The following CHRM3 variants were observed in gnomAD, a reference collection of about 807,000 sequenced individuals.
The protein encoded by CHRM3 is cholinergic receptor muscarinic 3, also known as muscarinic acetylcholine receptor M3.
In CHRM3, 11 loss-of-function variants were observed where a neutral mutation model predicts 41.8. That is an observed-to-expected ratio of 0.26 (90% confidence interval 0.17 to 0.44). The LOEUF is 0.44. Among genes scored for constraint, CHRM3 ranks in the 20% least tolerant of loss-of-function variants. CHRM3 has a pLI of 1.00. For missense variants in CHRM3, 571 were observed against 745.4 expected (o/e 0.77, Z 2.72); for synonymous variants, 297 against 301.4 (o/e 0.99, Z 0.15).
chr1:239,519,902 C>T (rs543167484), intron 2 of CHRM3, among the ~76,000 whole-genome samples: 10,754 of 151,774 alleles, frequency 0.071, 567 homozygotes, highest in Non-Finnish European at 0.11. Context: ...CACCCGCCAC[C>T]ACACCCCGCT....
At chr1:239,616,246 G>A (rs951965901) in intron 3 of CHRM3, among the ~76,000 whole-genome samples, 3 of 152,140 alleles carry the variant, frequency 2.0e-5, no homozygotes, top group East Asian at 3.9e-4. Context: ...TCTTTTTAAA[G>A]ATTGTTTTGT....
chr1:239,756,141 C>G (rs562636820), intron 5 of CHRM3, among the ~76,000 whole-genome samples: 1 of 152,164 alleles, frequency 6.6e-6, no homozygotes, highest in East Asian at 1.9e-4. Flanking sequence ...TATGGCAAAG[C>G]CCGCAATTAC....
At chr1:239,723,853 C>G (rs1029714179) in intron 5 of CHRM3, among the ~76,000 whole-genome samples, 1 of 151,724 alleles carries the variant, frequency 6.6e-6, no homozygotes, top group African/African-American at 2.4e-5. Flanking sequence ...TAGTATAGGC[C>G]AGTAGAAGTT....
intron 3 of CHRM3, among the ~76,000 whole-genome samples, chr1:239,599,876 C>T (rs777806503): frequency 1.3e-5 from 2 of 152,082 alleles, no homozygotes; most frequent in East Asian, 1.9e-4. Context: ...CTACTGAATA[C>T]GTATCACTTT....
intron 1 of CHRM3, among the ~76,000 whole-genome samples, chr1:239,434,786 A>G (rs1359882730): frequency 6.6e-6 from 1 of 152,206 alleles, no homozygotes; most frequent in Non-Finnish European, 1.5e-5. Flanking sequence ...AAGGAGAGAA[A>G]GAGAAGAAGA....
chr1:239,574,588 G>T, intron 3 of CHRM3, among the ~76,000 whole-genome samples: 1 of 151,924 alleles, frequency 6.6e-6, no homozygotes, highest in Admixed American at 6.6e-5. Flanking sequence ...GGCATTCTTG[G>T]CATAATCAAA....
At chr1:239,741,914 C>T (rs1381637217) in intron 5 of CHRM3, among the ~76,000 whole-genome samples, 1 of 152,132 alleles carries the variant, frequency 6.6e-6, no homozygotes, top group East Asian at 1.9e-4. Context: ...ATCCATCAAA[C>T]ATTGTCTGCA....
intron 6 of CHRM3, among the ~76,000 whole-genome samples, chr1:239,839,750 A>G (rs1434920059): frequency 6.8e-6 from 1 of 147,878 alleles, no homozygotes; most frequent in Non-Finnish European, 1.5e-5. Flanking sequence ...AAAGAGACCA[A>G]CCAGTACCAT....
chr1:239,771,712 C>G (rs1221335330), intron 5 of CHRM3, among the ~76,000 whole-genome samples: 1 of 152,124 alleles, frequency 6.6e-6, no homozygotes, highest in African/African-American at 2.4e-5. Context: ...TCAACTTTGC[C>G]CTTATATCAA....
chr1:239,823,668 G>T (rs1344894300), intron 5 of CHRM3, among the ~76,000 whole-genome samples: 1 of 151,898 alleles, frequency 6.6e-6, no homozygotes, highest in Non-Finnish European at 1.5e-5. Context: ...ATAGGCTAAG[G>T]ATTAAATAAA....
chr1:239,499,916 T>C (rs1161427902), intron 2 of CHRM3, among the ~76,000 whole-genome samples: 6 of 152,138 alleles, frequency 3.9e-5, no homozygotes, highest in Admixed American at 1.3e-4. Context: ...ATACAGTCTT[T>C]TTCAGACAAA....
At chr1:239,522,502 A>G (rs141411461) in intron 2 of CHRM3, among the ~76,000 whole-genome samples, 24 of 152,354 alleles carry the variant, frequency 1.6e-4, no homozygotes, top group African/African-American at 5.1e-4. Context: ...AAACAAAACC[A>G]TGAAGGATAA....
At chr1:239,797,117 G>T (rs915715651) in intron 5 of CHRM3, among the ~76,000 whole-genome samples, 2 of 152,094 alleles carry the variant, frequency 1.3e-5, no homozygotes, top group Admixed American at 6.6e-5. Flanking sequence ...ATCAAATACC[G>T]CATGTTCTCA....
intron 1 of CHRM3, among the ~76,000 whole-genome samples, chr1:239,424,417 G>T (rs1662211004): frequency 6.6e-6 from 1 of 152,074 alleles, no homozygotes; most frequent in Admixed American, 6.6e-5. Flanking sequence ...AGGGTGTGAG[G>T]TCACCTCAGG....
chr1:239,859,420 T>G (rs1473276895), intron 6 of CHRM3, among the ~76,000 whole-genome samples: 2 of 14,262 alleles, frequency 1.4e-4, no homozygotes, highest in East Asian at 3.2e-3. Flanking sequence ...GTTGTTGTTG[T>G]TTTTTTTTTT....
chr1:239,744,952 G>A lies in CHRM3; in HGVS notation c.-147+66664G>A, dbSNP rs539710669. On this transcript the variant is annotated intron_variant, in intron 5 of 6. Coordinates refer to ENST00000676153, the MANE Select transcript of CHRM3 (RefSeq NM_001375978.1). The stretch of plus-strand genomic sequence containing the variant: ...AATTGAGGAGGAAGACAGTGCAGGC[G>A]AAGGGACTGGCTTAGTGCAAGGACA... Among the ~76,000 whole-genome samples the A allele has an allele frequency of 8.5e-5, 13 of 152,226 alleles. No individual in the cohort carries two copies. The East Asian group carries it at 9.7e-4, about 11-fold the overall frequency.
At chr1:239,442,531 A>C (rs892107022) in intron 1 of CHRM3, among the ~76,000 whole-genome samples, 2 of 152,116 alleles carry the variant, frequency 1.3e-5, no homozygotes, top group African/African-American at 4.8e-5. Flanking sequence ...GTGTGAGGCC[A>C]GAAGCAGTGA....
In CHRM3 at chr1:239,748,506, G is replaced by A. The variant is rs945811377; in HGVS notation, c.-147+70218G>A. On this transcript the variant is annotated intron_variant, in intron 5 of 6. Transcript: ENST00000676153. The surrounding 1 kb of genome is among the most constrained non-coding windows in gnomAD (Gnocchi z 4.3). ...TCCATAGAATTTTTAAATATGCAGT[G>A]TGTTTTAGTTAATGAAGTGTCTGGA... Among the ~76,000 whole-genome samples the A allele has an allele frequency of 6.6e-6, 1 of 152,204 alleles. No homozygotes were observed. The highest frequency in any genetic ancestry group is 2.4e-5 in the African/African-American group (1 of 41,454).
intron 5 of CHRM3, among the ~76,000 whole-genome samples, chr1:239,811,892 T>C (rs1279793671): frequency 6.6e-6 from 1 of 152,206 alleles, no homozygotes; most frequent in African/African-American, 2.4e-5. Flanking sequence ...AGATACCTGA[T>C]TATGAGGACG....
Sources: gnomAD v4.1 joint callset for allele counts (sites outside exome capture counted in the v4.1 genomes callset) on GRCh38, gnomAD v4.1.1 for gene constraint, Gnocchi (gnomAD v3.1) non-coding constraint, MANE v1.5 for transcripts, NCBI Gene and HGNC (gene_info 2026-07-23, HGNC 2026-07-21) for gene names.